KIAA0232: variants seen among roughly 807,000 people sequenced by gnomAD.
The protein encoded by KIAA0232 is uncharacterized protein KIAA0232.
Under a neutral mutation model 122.0 loss-of-function variants are expected in KIAA0232, and 27 were observed. The ratio of observed to expected loss-of-function variants is 0.22; its 90% CI spans 0.16 to 0.31. KIAA0232 has a LOEUF of 0.31. Among genes scored for constraint, KIAA0232 ranks in the 10% least tolerant of loss-of-function variants. The pLI is 1.00. For missense variants in KIAA0232, 1,551 were observed against 1,634.2 expected (o/e 0.95, Z 0.88); for synonymous variants, 613 against 587.6 (o/e 1.04, Z -0.63).
chr4:6,857,935 A>G (rs1720646143), intron 5 of KIAA0232, among the ~76,000 whole-genome samples: 1 of 152,166 alleles, frequency 6.6e-6, no homozygotes, highest in South Asian at 2.1e-4. Context: ...AGGCTAAACT[A>G]AGGGATAGCC....
chr4:6,834,721 CATG>C (rs1719173352), intron 3 of KIAA0232, among the ~76,000 whole-genome samples: 1 of 151,968 alleles, frequency 6.6e-6, no homozygotes, highest in African/African-American at 2.4e-5. Context: ...TTTTTTGTGA[CATG>C]ATGACCAGGT....
rs539376171 is a variant in KIAA0232, at chr4:6,862,029, A to G, written c.1647A>G (p.Ala549=). Residue 549 remains alanine, a synonymous_variant, in exon 7 of 10, where the codon GCA becomes GCG. Transcript: ENST00000307659. ...GCAAAGAGAACACAGATTTTGAGGCAGAATGTTGCATAGTGTTAGATGGTA... is the reference window on the plus strand; with the variant it reads ...GCAAAGAGAACACAGATTTTGAGGCGGAATGTTGCATAGTGTTAGATGGTA... The part of the protein sequence containing the change: ...QKSKENTDFE[A]ECCIVLDGME... The G allele has an allele frequency of 3.1e-6, 5 of 1,614,256 alleles. No homozygotes were observed. In the South Asian group the frequency reaches 3.3e-5, roughly 11 times the overall value.
chr4:6,856,684 G>GAAAA (rs35815919), intron 4 of KIAA0232, among the ~76,000 whole-genome samples: 1 of 148,974 alleles, frequency 6.7e-6, no homozygotes, highest in Non-Finnish European at 1.5e-5. Context: ...CTTTAAAACA[G>GAAAA]AAAAAAAAAA....
chr4:6,837,142 C>A (rs1340498757), intron 3 of KIAA0232, among the ~76,000 whole-genome samples: 1 of 151,152 alleles, frequency 6.6e-6, no homozygotes, highest in Admixed American at 6.6e-5. Flanking sequence ...GGCTGCCCCC[C>A]ACCTCCCGAA....
At chr4:6,842,294 G>T in intron 4 of KIAA0232, 90 bp downstream of exon 4, 1 of 1,303,834 alleles carries the variant, frequency 7.7e-7, no homozygotes, top group East Asian at 2.6e-5. Context: ...TCCAAAAACT[G>T]GGAAAACAAA....
chr4:6,858,614 T>G (rs1000092405), intron 6 of KIAA0232, 108 bp downstream of exon 6: 2 of 674,094 alleles, frequency 3.0e-6, no homozygotes, highest in Non-Finnish European at 4.9e-6. Flanking sequence ...TTTCATTATA[T>G]ATAATGTAAG....
Position 6,861,565 on chromosome 4 carries a change from G to C in KIAA0232, c.1183G>C (p.Glu395Gln). Residue 395 changes from glutamate to glutamine, a missense_variant, in exon 7 of 10, where the codon GAG (glutamate) becomes CAG (glutamine). Around this residue, in one of 5 missense-constraint regions of KIAA0232, gnomAD observed 377 missense variants for 381.7 expected, o/e 0.99. Coordinates refer to ENST00000307659, the MANE Select transcript of KIAA0232 (RefSeq NM_014743.3). ...DLYMENRKDTEYKEEPLWYTE... is the reference protein window; with the variant it reads ...DLYMENRKDTQYKEEPLWYTE... Reference sequence around the variant, plus strand: ...GTACATGGAGAATAGAAAGGACACAGAGTATAAAGAGGAGCCCTTGTGGTA... The same window carrying C: ...GTACATGGAGAATAGAAAGGACACACAGTATAAAGAGGAGCCCTTGTGGTA... 1.2e-6 allele frequency: 2 copies of C among 1,614,068 alleles called. No homozygotes were observed. The highest frequency in any genetic ancestry group is 1.7e-6 in the Non-Finnish European group (2 of 1,180,030).
At chr4:6,791,723 A>T (rs567349345) in intron 1 of KIAA0232, among the ~76,000 whole-genome samples, 43 of 152,288 alleles carry the variant, frequency 2.8e-4, no homozygotes, top group African/African-American at 9.9e-4. Flanking sequence ...GATAAATTTT[A>T]AAAAATGGAA....
chr4:6,829,757 C>G, intron 3 of KIAA0232, among the ~76,000 whole-genome samples: 1 of 152,180 alleles, frequency 6.6e-6, no homozygotes, highest in Non-Finnish European at 1.5e-5. Context: ...CAAAAAATGA[C>G]TAAAAGGAGA....
At chr4:6,865,629 G>T (rs1721135588) in intron 7 of KIAA0232, among the ~76,000 whole-genome samples, 1 of 152,202 alleles carries the variant, frequency 6.6e-6, no homozygotes, top group African/African-American at 2.4e-5. Flanking sequence ...AGATGGAGGT[G>T]TTTAGAAGCC....
intron 1 of KIAA0232, among the ~76,000 whole-genome samples, chr4:6,794,092 A>G (rs1285221417): frequency 6.6e-6 from 1 of 152,206 alleles, no homozygotes. Context: ...GGCGAGAGGA[A>G]GCAGGAGTAG....
chr4:6,875,842 G>C (rs1721721829), intron 8 of KIAA0232, among the ~76,000 whole-genome samples: 1 of 152,200 alleles, frequency 6.6e-6, no homozygotes, highest in African/African-American at 2.4e-5. Flanking sequence ...ATGGAGGTAA[G>C]GGGAGTAAGA....
Position 6,864,001 on chromosome 4 carries a change from CA to C in KIAA0232, c.3623del (p.Asn1208IlefsTer8). ...AACTGGGATTCTTTCAGTAGGAAAG[CA>C]AAATCAGTGTTTGGAATGTAGCATG... ...ESTGILSVGK[Q>X]NQCLECSMNE... On this transcript the variant is annotated frameshift_variant, in exon 7 of 10. Transcript: ENST00000307659. LOFTEE classifies it high-confidence loss of function. The C allele has an allele frequency of 6.2e-7, 1 of 1,614,112 alleles. No individual in the cohort carries two copies. The highest frequency in any genetic ancestry group is 2.2e-5 in the East Asian group (1 of 44,882).
chr4:6,869,409 A>G (rs1721351810), intron 7 of KIAA0232, among the ~76,000 whole-genome samples: 1 of 152,230 alleles, frequency 6.6e-6, no homozygotes, highest in Non-Finnish European at 1.5e-5. Flanking sequence ...CCTGAGTAGC[A>G]CTAAGTAATC....
chr4:6,824,591 G>A lies in KIAA0232; in HGVS notation c.138G>A (p.Glu46=). 1 of 1,614,224 alleles carries A rather than the reference G, an allele frequency of 6.2e-7. No homozygotes were observed. Among genetic ancestry groups the A allele is most frequent in the East Asian group, 2.2e-5 (1 of 44,888 alleles). Reference sequence around the variant, plus strand: ...CAGTGCAGACCTGGCTGGGACAAGAGCTCGAGAAATGTGGCATTGATGCCA... The same window carrying A: ...CAGTGCAGACCTGGCTGGGACAAGAACTCGAGAAATGTGGCATTGATGCCA... ...LGPVQTWLGQ[E]LEKCGIDAMI... Residue 46 remains glutamate (E), a synonymous_variant, in exon 3 of 10, where the codon GAG becomes GAA. Transcript: ENST00000307659.
intron 1 of KIAA0232, among the ~76,000 whole-genome samples, chr4:6,795,228 G>A (rs551358015): frequency 4.6e-5 from 7 of 152,104 alleles, no homozygotes; most frequent in African/African-American, 9.6e-5. Context: ...CCACCACCAC[G>A]CCTAGCTAAT....
At chr4:6,813,255 C>A (rs1560169582) in intron 2 of KIAA0232, among the ~76,000 whole-genome samples, 1 of 151,998 alleles carries the variant, frequency 6.6e-6, no homozygotes, top group Non-Finnish European at 1.5e-5. Context: ...TCCAAAAAAC[C>A]CTTCATTATT....
chr4:6,804,407 G>A (rs1483082564), intron 1 of KIAA0232, 116 bp from the exon 2 acceptor site: 2 of 152,154 alleles, frequency 1.3e-5, no homozygotes, highest in African/African-American at 4.8e-5. Context: ...TCAGACAGCT[G>A]TCTTTTGGTC....
At chr4:6,852,110 A>G (rs1193730760) in intron 4 of KIAA0232, among the ~76,000 whole-genome samples, 2 of 152,042 alleles carry the variant, frequency 1.3e-5, no homozygotes, top group East Asian at 1.9e-4. Flanking sequence ...ATATTTATCC[A>G]TTGGATACTT....
Sources: allele counts gnomAD v4.1 joint callset (sites outside exome capture counted in the v4.1 genomes callset), GRCh38; gene constraint gnomAD v4.1.1; regional missense constraint gnomAD v4.1.1; transcripts MANE v1.5; gene names NCBI Gene and HGNC (gene_info 2026-07-23, HGNC 2026-07-21).